The following FSIP1 variants were observed in gnomAD, a reference collection of about 807,000 sequenced individuals.
FSIP1 encodes the protein fibrous sheath interacting protein 1.
A neutral mutation model predicts 60.9 loss-of-function variants in FSIP1; 65 were observed. The observed-to-expected ratio is 1.07, with a 90% CI of 0.87 to 1.31. The LOEUF is 1.31. Among genes scored for constraint, FSIP1 ranks in the 40% most tolerant of loss-of-function variants. FSIP1 has a pLI of 0.00. For missense variants in FSIP1, 675 were observed against 665.5 expected (o/e 1.01, Z -0.16); for synonymous variants, 209 against 221.2 (o/e 0.94, Z 0.49).
intron 10 of FSIP1, among the ~76,000 whole-genome samples, chr15:39,695,351 C>G (rs927850929): frequency 2.0e-5 from 3 of 151,682 alleles, no homozygotes; most frequent in African/African-American, 7.3e-5. Context: ...TTGCCTCACT[C>G]TGCTCCTTCT....
At chr15:39,738,612 AT>A (rs1896698536) in intron 7 of FSIP1, among the ~76,000 whole-genome samples, 2 of 152,242 alleles carry the variant, frequency 1.3e-5, no homozygotes, top group African/African-American at 2.4e-5. Context: ...CATATGAGGA[AT>A]TTAAATATTC....
At chr15:39,633,091 C>CGTTTTTTTTTTT (rs1329095029) in intron 10 of FSIP1, among the ~76,000 whole-genome samples, 2 of 112,870 alleles carry the variant, frequency 1.8e-5, no homozygotes, top group African/African-American at 7.4e-5. Flanking sequence ...GGCTATACTT[C>CGTTTTTTTTTTT]TTTTTTTTTT....
intron 10 of FSIP1, among the ~76,000 whole-genome samples, chr15:39,685,921 G>C (rs1355983060): frequency 1.3e-5 from 2 of 152,056 alleles, no homozygotes; most frequent in African/African-American, 4.8e-5. Context: ...CAATGGAATG[G>C]GAAACTATGA....
At chr15:39,743,717 T>C (rs1896882551) in intron 5 of FSIP1, among the ~76,000 whole-genome samples, 1 of 152,160 alleles carries the variant, frequency 6.6e-6, no homozygotes, top group Non-Finnish European at 1.5e-5. Flanking sequence ...ACCATTTTCA[T>C]TTAAAGTGGC....
intron 9 of FSIP1, among the ~76,000 whole-genome samples, chr15:39,724,061 C>T (rs1302084305): frequency 6.6e-6 from 1 of 152,110 alleles, no homozygotes; most frequent in Non-Finnish European, 1.5e-5. Context: ...CAATGTGAGT[C>T]CCAAAATGTT....
At chr15:39,733,734 C>T (rs557207818) in intron 8 of FSIP1, among the ~76,000 whole-genome samples, 6 of 152,254 alleles carry the variant, frequency 3.9e-5, no homozygotes, top group African/African-American at 1.4e-4. Flanking sequence ...AGTCTCTTTG[C>T]TTTTTACCCT....
At chr15:39,608,578 T>A (rs1023203970) in intron 11 of FSIP1, among the ~76,000 whole-genome samples, 1 of 152,202 alleles carries the variant, frequency 6.6e-6, no homozygotes, top group Non-Finnish European at 1.5e-5. Context: ...ATACTTCAAT[T>A]TCAGAGTAGA....
At position 39,631,287 on chromosome 15, in the gene FSIP1, C is replaced by T. The variant is rs1409354019; in HGVS notation, c.1189-13042G>A. On this transcript the variant is annotated intron_variant, in intron 10 of 11. Coordinates refer to ENST00000350221, the MANE Select transcript of FSIP1 (RefSeq NM_152597.5). ...CTAGGCCCAACTCCTCTTCTCTCCCCGATGTCTTGTTCCTTCCAGAGCGCG... is the reference window on the plus strand; with the variant it reads ...CTAGGCCCAACTCCTCTTCTCTCCCTGATGTCTTGTTCCTTCCAGAGCGCG... Among the ~76,000 whole-genome samples, 4 of 152,194 alleles carry T rather than the reference C, an allele frequency of 2.6e-5. No homozygotes were observed. In the South Asian group the frequency reaches 6.2e-4, roughly 24 times the overall value.
rs376510183 is a variant in FSIP1, at chr15:39,745,936, G to A, written c.560-4036C>T. Reference sequence around the variant, plus strand: ...CTCTACAGAAATTTAAACATTAGCCGGGCATGGTGGCATGTACCTGTAATC... The same window carrying A: ...CTCTACAGAAATTTAAACATTAGCCAGGCATGGTGGCATGTACCTGTAATC... On this transcript the variant is annotated intron_variant, in intron 5 of 11. Coordinates refer to ENST00000350221, the MANE Select transcript of FSIP1 (RefSeq NM_152597.5). 5.9e-5 allele frequency among the ~76,000 whole-genome samples: 9 copies of A among 152,072 alleles called. 1 individual carries two copies. The highest frequency in any genetic ancestry group is 1.9e-4 in the African/African-American group (8 of 41,490).
intron 5 of FSIP1, among the ~76,000 whole-genome samples, chr15:39,746,576 G>A (rs1897001425): frequency 6.6e-6 from 1 of 151,946 alleles, no homozygotes; most frequent in Admixed American, 6.6e-5. Flanking sequence ...AGGTGTGGAT[G>A]GATTTTACCT....
chr15:39,753,471 C>T (rs991064058), intron 5 of FSIP1, among the ~76,000 whole-genome samples: 10 of 151,990 alleles, frequency 6.6e-5, no homozygotes, highest in East Asian at 5.8e-4. Context: ...AATATAGATG[C>T]AAAAAATCTG....
chr15:39,764,934 G>A (rs1446453475), intron 4 of FSIP1, among the ~76,000 whole-genome samples: 2 of 152,180 alleles, frequency 1.3e-5, no homozygotes, highest in Non-Finnish European at 2.9e-5. Context: ...CTTGATGAAA[G>A]CAGCTATTAC....
Position 39,763,913 on chromosome 15 carries a change from G to C in FSIP1, c.467C>G (p.Ser156Cys). 6.5e-7 allele frequency: 1 copy of C among 1,530,826 alleles called. No individual in the cohort carries two copies. Among genetic ancestry groups the C allele is most frequent in the Non-Finnish European group, 9.0e-7 (1 of 1,113,498 alleles). 94.8% of individuals were successfully genotyped at this position (1,530,826 alleles called of 1,614,324 possible). A position where few individuals can be genotyped will look rare whatever the true frequency, so the allele number is the denominator to read the frequency against. ...TTGCCAAGCTTCACTATATTTTGCAGACTAATGAAAGGAAAATTAAAATTT... is the reference window on the plus strand; with the variant it reads ...TTGCCAAGCTTCACTATATTTTGCACACTAATGAAAGGAAAATTAAAATTT... ...MRIKLWEEIK[S>C]AKYSEAWQSK... Residue 156 changes from serine (S) to cysteine (C), a missense_variant and splice_region_variant, in exon 5 of 12, where the codon TCT becomes TGT. Ser to Cys is a moderately radical substitution (Grantham distance 112). Coordinates refer to ENST00000350221, the MANE Select transcript of FSIP1 (RefSeq NM_152597.5).
intron 10 of FSIP1, among the ~76,000 whole-genome samples, chr15:39,653,000 A>C (rs1056537297): frequency 1.3e-5 from 2 of 151,686 alleles, no homozygotes; most frequent in African/African-American, 2.4e-5. Flanking sequence ...ACATGGCAAA[A>C]CTCTGTCTCT....
At chr15:39,765,944 A>G (rs964842710) in intron 3 of FSIP1, among the ~76,000 whole-genome samples, 198 bp from the exon 4 acceptor site, 4 of 152,230 alleles carry the variant, frequency 2.6e-5, no homozygotes, top group African/African-American at 9.6e-5. Flanking sequence ...ACCCTATGAA[A>G]CAGACATTTA....
chr15:39,764,116 T>C (rs1277848753), intron 4 of FSIP1, among the ~76,000 whole-genome samples: 1 of 152,128 alleles, frequency 6.6e-6, no homozygotes, highest in Non-Finnish European at 1.5e-5. Context: ...TCAGAGTATA[T>C]GCCTATCATT....
At position 39,770,114 on chromosome 15, in the gene FSIP1, C is replaced by T. The variant is rs139344354; in HGVS notation, c.310+313G>A. On this transcript the variant is annotated intron_variant, in intron 3 of 11. Transcript: ENST00000350221. ...AAATTAGAGCATATATTATATTGTA[C>T]AATTTTAGTCATCAAAAAATCAATA... 3.2e-4 allele frequency among the ~76,000 whole-genome samples: 48 copies of T among 152,190 alleles called. No individual in the cohort carries two copies. The East Asian group carries it at 8.7e-3, about 28-fold the overall frequency.
chr15:39,655,628 T>C (rs1048217956), intron 10 of FSIP1, among the ~76,000 whole-genome samples: 8 of 152,200 alleles, frequency 5.3e-5, no homozygotes, highest in African/African-American at 1.9e-4. Flanking sequence ...TTGGATAAGT[T>C]TCTTAAACTC....
intron 10 of FSIP1, among the ~76,000 whole-genome samples, chr15:39,655,080 G>C: frequency 6.6e-6 from 1 of 152,206 alleles, no homozygotes; most frequent in Non-Finnish European, 1.5e-5. Context: ...GGGTATGGAA[G>C]TTGATAAAAC....
Sources: gnomAD v4.1 joint callset for allele counts (sites outside exome capture counted in the v4.1 genomes callset) on GRCh38, gnomAD v4.1.1 for gene constraint, MANE v1.5 for transcripts, NCBI Gene and HGNC (gene_info 2026-07-23, HGNC 2026-07-21) for gene names.